Variants in UNC13C observed in about 807,000 individuals in gnomAD.
The protein encoded by UNC13C is protein unc-13 homolog C.
In UNC13C, 174 loss-of-function variants were observed where a neutral mutation model predicts 245.4. The observed-to-expected ratio is 0.71, with a 90% CI of 0.63 to 0.80. UNC13C has a LOEUF of 0.80. UNC13C is among the 30% of genes least tolerant of loss of function. The pLI, the probability that UNC13C is intolerant of heterozygous loss-of-function variation, is 0.00. For missense variants in UNC13C, 2,829 were observed against 2,602.9 expected (o/e 1.09, Z -1.89); for synonymous variants, 992 against 895.1 (o/e 1.11, Z -1.93).
intron 8 of UNC13C, among the ~76,000 whole-genome samples, chr15:54,263,433 A>G (rs1231005786): frequency 1.3e-5 from 2 of 152,164 alleles, no homozygotes; most frequent in African/African-American, 4.8e-5. Flanking sequence ...CCAATAATGG[A>G]ATTTTAGAAA....
the UNC13C span, among the ~76,000 whole-genome samples, chr15:53,885,785 AG>A: frequency 6.6e-6 from 1 of 152,188 alleles, no homozygotes; most frequent in East Asian, 1.9e-4. Context: ...ACCTCACTGA[AG>A]GGAGTGGGGG....
At chr15:54,498,186 A>C (rs140731119) in intron 20 of UNC13C, among the ~76,000 whole-genome samples, 95 of 152,220 alleles carry the variant, frequency 6.2e-4, no homozygotes, top group African/African-American at 2.1e-3. Flanking sequence ...GACAATGCTT[A>C]CACACAAAAA....
chr15:54,159,400 C>T (rs184024137), intron 4 of UNC13C, among the ~76,000 whole-genome samples: 29 of 152,326 alleles, frequency 1.9e-4, no homozygotes, highest in Admixed American at 1.7e-3. Context: ...CAAGTCAACA[C>T]TTTATTAAGT....
the UNC13C span, among the ~76,000 whole-genome samples, chr15:53,876,910 T>A: frequency 6.6e-6 from 1 of 152,220 alleles, no homozygotes; most frequent in African/African-American, 2.4e-5. Context: ...CAGTTTGATG[T>A]CTAGTGAGAT....
At chr15:54,089,660 CTT>C (rs59965194) in intron 2 of UNC13C, among the ~76,000 whole-genome samples, 5,457 of 140,422 alleles carry the variant, frequency 0.039, 149 homozygotes, top group East Asian at 0.12. Context: ...CTTCCAATAT[CTT>C]TTTTTTTTTT....
chr15:54,072,599 C>T (rs573710537), intron 2 of UNC13C, among the ~76,000 whole-genome samples: 7 of 152,160 alleles, frequency 4.6e-5, no homozygotes, highest in South Asian at 4.1e-4. Flanking sequence ...CAAGCCACTA[C>T]GTTTTCTTTT....
intron 30 of UNC13C, among the ~76,000 whole-genome samples, chr15:54,591,106 G>C (rs1315527230): frequency 6.6e-6 from 1 of 152,076 alleles, no homozygotes; most frequent in Non-Finnish European, 1.5e-5. Context: ...TTTGACTTGT[G>C]TATGTTACAC....
At chr15:54,246,345 C>T (rs1344945054) in intron 7 of UNC13C, among the ~76,000 whole-genome samples, 6 of 150,896 alleles carry the variant, frequency 4.0e-5, no homozygotes, top group Admixed American at 4.0e-4. Flanking sequence ...TACAGGTAAA[C>T]AAGATGTCTA....
intron 30 of UNC13C, among the ~76,000 whole-genome samples, chr15:54,578,178 T>G (rs1426307631): frequency 6.6e-6 from 1 of 152,224 alleles, no homozygotes; most frequent in African/African-American, 2.4e-5. Context: ...TTAAGAGTTC[T>G]CACAGCATAG....
intron 1 of UNC13C, among the ~76,000 whole-genome samples, chr15:54,012,440 T>C (rs1197207580): frequency 1.3e-5 from 2 of 152,194 alleles, no homozygotes; most frequent in Non-Finnish European, 2.9e-5. Flanking sequence ...AAATGATTTA[T>C]CAAAAAACAT....
intron 30 of UNC13C, among the ~76,000 whole-genome samples, chr15:54,582,930 G>A (rs2141242079): frequency 6.6e-6 from 1 of 152,214 alleles, no homozygotes; most frequent in South Asian, 2.1e-4. Context: ...GAAACTCTAA[G>A]GGGGTTTCTG....
At chr15:54,218,496 G>C (rs1272197690) in intron 4 of UNC13C, among the ~76,000 whole-genome samples, 3 of 151,964 alleles carry the variant, frequency 2.0e-5, no homozygotes, top group African/African-American at 7.2e-5. Context: ...AAACAGAGAA[G>C]TGTGGAATAG....
intron 2 of UNC13C, among the ~76,000 whole-genome samples, chr15:54,065,958 A>G (rs1898057651): frequency 6.6e-6 from 1 of 152,230 alleles, no homozygotes; most frequent in African/African-American, 2.4e-5. Flanking sequence ...TTTCTCTTCC[A>G]TGATTACTTA....
chr15:53,883,419 C>A, the UNC13C span, among the ~76,000 whole-genome samples: 3 of 152,056 alleles, frequency 2.0e-5, no homozygotes, highest in Admixed American at 6.6e-5. Flanking sequence ...TGTTTTGGGG[C>A]GGAGTCACAA....
chr15:53,897,066 T>A, the UNC13C span, among the ~76,000 whole-genome samples: 1 of 152,224 alleles, frequency 6.6e-6, no homozygotes, highest in African/African-American at 2.4e-5. Context: ...AGAAAGTAAC[T>A]GAACCCTGCT....
intron 26 of UNC13C, among the ~76,000 whole-genome samples, chr15:54,544,835 A>C (rs1384395124): frequency 3.3e-5 from 5 of 152,202 alleles, no homozygotes; most frequent in Non-Finnish European, 5.9e-5. Flanking sequence ...ATGTTCATGG[A>C]TAGGAAGAAT....
At chr15:54,414,316 C>A (rs1039433400) in intron 18 of UNC13C, among the ~76,000 whole-genome samples, 8 of 152,136 alleles carry the variant, frequency 5.3e-5, no homozygotes, top group African/African-American at 1.9e-4. Context: ...GTTTGCTATT[C>A]AGCTTCATCT....
intron 29 of UNC13C, among the ~76,000 whole-genome samples, chr15:54,566,005 T>G (rs1897494350): frequency 6.6e-6 from 1 of 151,986 alleles, no homozygotes; most frequent in South Asian, 2.1e-4. Context: ...TTGCTCAGGT[T>G]TTATAAGACT....
rs771159618 is a variant in UNC13C, at chr15:54,013,094, A to G, written c.191A>G (p.Lys64Arg). The change falls in exon 2 of 33, where the codon AAG becomes AGG. Residue 64 changes from lysine (K) to arginine (R), a missense_variant. Lys to Arg is a conservative substitution (Grantham distance 26, BLOSUM62 2). Transcript: ENST00000260323. ...KFSYTFKSTV[K>R]KIAKCSSTHN... ...TCTTACACTTTTAAAAGCACTGTAA[A>G]GAAGATTGCAAAGTGTTCATCCACT... is the stretch of plus-strand genomic sequence containing the variant. 1 of 1,613,904 alleles carries G rather than the reference A, an allele frequency of 6.2e-7. No homozygotes were observed. The highest frequency in any genetic ancestry group is 8.5e-7 in the Non-Finnish European group (1 of 1,179,858).
Sources: gnomAD v4.1 joint callset for allele counts (sites outside exome capture counted in the v4.1 genomes callset) on GRCh38, gnomAD v4.1.1 for gene constraint, MANE v1.5 for transcripts, NCBI Gene and HGNC (gene_info 2026-07-23, HGNC 2026-07-21) for gene names.